The following OLFM3 variants were observed in gnomAD, a reference collection of about 807,000 sequenced individuals.
The protein encoded by OLFM3 is noelin-3.
A neutral mutation model predicts 48.6 loss-of-function variants in OLFM3; 20 were observed. That is an observed-to-expected ratio of 0.41 (90% confidence interval 0.29 to 0.60). OLFM3 has a LOEUF of 0.60. Ranked by LOEUF, OLFM3 falls within the 20% of genes least tolerant of loss-of-function variation. The pLI, the probability that OLFM3 is intolerant of heterozygous loss-of-function variation, is 0.28. For missense variants in OLFM3, 437 were observed against 544.3 expected, an observed-to-expected ratio of 0.80 and a Z score of 1.96; for synonymous variants, 222 against 198.1, an observed-to-expected ratio of 1.12 and a Z score of -1.01.
intron 4 of OLFM3, among the ~76,000 whole-genome samples, chr1:101,819,509 C>A (rs1039916237): frequency 6.6e-6 from 1 of 152,030 alleles, no homozygotes; most frequent in African/African-American, 2.4e-5. Flanking sequence ...GAATGACACT[C>A]TGAATTCGGC....
intron 1 of OLFM3, among the ~76,000 whole-genome samples, chr1:101,954,272 A>C (rs1660225456): frequency 6.6e-6 from 1 of 152,238 alleles, no homozygotes; most frequent in East Asian, 1.9e-4. Flanking sequence ...GAATGAAATA[A>C]ATTAACTTGT....
intron 1 of OLFM3, among the ~76,000 whole-genome samples, chr1:101,895,356 A>G (rs1410060791): frequency 1.3e-5 from 2 of 151,756 alleles, no homozygotes; most frequent in Non-Finnish European, 1.5e-5. Flanking sequence ...ATTACTCTTA[A>G]GCTAGGATTT....
chr1:101,829,791 C>T (rs1473468367), intron 3 of OLFM3, among the ~76,000 whole-genome samples: 2 of 152,072 alleles, frequency 1.3e-5, no homozygotes, highest in Non-Finnish European at 1.5e-5. Flanking sequence ...AAGTGGTTTA[C>T]TTTTAATGGG....
At chr1:101,989,160 A>G (rs1283970072) in intron 1 of OLFM3, among the ~76,000 whole-genome samples, 2 of 152,128 alleles carry the variant, frequency 1.3e-5, no homozygotes, top group Non-Finnish European at 2.9e-5. Context: ...AGAAGAGGGA[A>G]AAAAGCTTTC....
intron 1 of OLFM3, among the ~76,000 whole-genome samples, chr1:101,990,707 C>T (rs923464949): frequency 2.6e-5 from 4 of 151,726 alleles, no homozygotes; most frequent in East Asian, 1.9e-4. Flanking sequence ...TCATGGTGGC[C>T]GGGCGCGGTG....
At chr1:101,819,298 C>CT (rs958171623) in intron 4 of OLFM3, among the ~76,000 whole-genome samples, 1 of 152,072 alleles carries the variant, frequency 6.6e-6, no homozygotes, top group African/African-American at 2.4e-5. Context: ...AACTCAAGGC[C>CT]TGGAGAATCA....
At chr1:101,854,357 A>G (rs1368631747) in intron 1 of OLFM3, among the ~76,000 whole-genome samples, 1 of 151,934 alleles carries the variant, frequency 6.6e-6, no homozygotes, top group Non-Finnish European at 1.5e-5. Context: ...AATGAAAAAC[A>G]TTTGCAAAGT....
intron 1 of OLFM3, among the ~76,000 whole-genome samples, chr1:101,932,468 A>G (rs931559810): frequency 1.3e-5 from 2 of 152,148 alleles, no homozygotes; most frequent in Non-Finnish European, 2.9e-5. Context: ...CACTGGGCTG[A>G]AGGGGGAGGA....
intron 1 of OLFM3, among the ~76,000 whole-genome samples, chr1:101,927,391 G>A (rs1183059967): frequency 6.6e-6 from 1 of 151,970 alleles, no homozygotes; most frequent in Non-Finnish European, 1.5e-5. Flanking sequence ...TATGGAGGAA[G>A]ACTTGTCACA....
chr1:101,966,130 T>C (rs1251569663), intron 1 of OLFM3, among the ~76,000 whole-genome samples: 6 of 152,182 alleles, frequency 3.9e-5, no homozygotes, highest in Admixed American at 3.9e-4. Flanking sequence ...TGATTTTCTT[T>C]AACCTTCTCA....
At chr1:101,886,170 G>A (rs1657751778) in intron 1 of OLFM3, among the ~76,000 whole-genome samples, 2 of 151,962 alleles carry the variant, frequency 1.3e-5, no homozygotes, top group Admixed American at 6.6e-5. Context: ...TTGAGTTCAT[G>A]CAAAAATGAG....
At chr1:101,915,240 C>T (rs1658883634) in intron 1 of OLFM3, among the ~76,000 whole-genome samples, 1 of 151,816 alleles carries the variant, frequency 6.6e-6, no homozygotes, top group South Asian at 2.1e-4. Context: ...ACAGAAAATA[C>T]CTGAAATTTT....
At chr1:101,846,971 CAT>C in intron 1 of OLFM3, 2 of 1,610,956 alleles carry the variant, frequency 1.2e-6, no homozygotes, top group Non-Finnish European at 1.7e-6. Context: ...GTGGAGGACT[CAT>C]TGCTGTGGAG....
rs377500368 is a variant in OLFM3, at chr1:101,808,652, G to C, written c.593-2470C>G. Among the ~76,000 whole-genome samples the C allele has an allele frequency of 9.2e-5, 14 of 151,782 alleles. No homozygotes were observed. The Admixed American group carries it at 9.2e-4, about 10-fold the overall frequency. ...CCTAGGGTGATTAATACAGACATTG[G>C]AGGGCCAGAAGAAAGCCTCCTACAC... On this transcript the variant is annotated intron_variant, in intron 4 of 5. Coordinates refer to ENST00000370103, the MANE Select transcript of OLFM3 (RefSeq NM_058170.4).
At chr1:101,819,814 G>C (rs1430603672) in intron 4 of OLFM3, among the ~76,000 whole-genome samples, 1 of 152,044 alleles carries the variant, frequency 6.6e-6, no homozygotes, top group Non-Finnish European at 1.5e-5. Context: ...CCTCTAACAT[G>C]AATCTTTGGC....
At chr1:101,991,474 T>G (rs1253416782) in intron 1 of OLFM3, among the ~76,000 whole-genome samples, 1 of 152,050 alleles carries the variant, frequency 6.6e-6, no homozygotes, top group Non-Finnish European at 1.5e-5. Flanking sequence ...AGTACAAAAA[T>G]TGAAGCTTTA....
chr1:101,846,300 G>C (rs1254990437), intron 1 of OLFM3, among the ~76,000 whole-genome samples: 4 of 152,060 alleles, frequency 2.6e-5, no homozygotes, highest in African/African-American at 9.7e-5. Context: ...ATGTTTCTTA[G>C]CTTTCTTAAA....
intron 1 of OLFM3, among the ~76,000 whole-genome samples, chr1:101,933,131 G>A (rs1308714797): frequency 2.0e-5 from 3 of 149,486 alleles, no homozygotes; most frequent in Non-Finnish European, 4.4e-5. Context: ...GAACCCGGGA[G>A]GCGGAGCTTG....
intron 2 of OLFM3, among the ~76,000 whole-genome samples, chr1:101,834,110 A>C (rs1655290911): frequency 6.6e-6 from 1 of 152,242 alleles, no homozygotes; most frequent in Non-Finnish European, 1.5e-5. Context: ...CAATAATATA[A>C]ATACCTGTTA....
Sources: gnomAD v4.1 joint callset for allele counts (sites outside exome capture counted in the v4.1 genomes callset) on GRCh38, gnomAD v4.1.1 for gene constraint, MANE v1.5 for transcripts, NCBI Gene and HGNC (gene_info 2026-07-23, HGNC 2026-07-21) for gene names.